Variants in PILRA observed in about 807,000 individuals in gnomAD.
The protein encoded by PILRA is paired immunoglobin like type 2 receptor alpha, also known as paired immunoglobulin-like type 2 receptor alpha.
A neutral mutation model predicts 33.1 loss-of-function variants in PILRA; 37 were observed. The observed-to-expected ratio is 1.12, with a 90% CI of 0.86 to 1.47. The LOEUF (loss-of-function observed/expected upper bound fraction) is 1.47. PILRA is among the 40% of genes most tolerant of loss of function. The pLI is 0.00. For synonymous variants in PILRA, 146 were observed against 149.9 expected, an observed-to-expected ratio of 0.97 and a Z score of 0.19; for missense variants, 312 against 376.2, an observed-to-expected ratio of 0.83 and a Z score of 1.41.
At chr7:100,382,719 C>G (rs1301841123) in intron 2 of PILRA, among the ~76,000 whole-genome samples, 1 of 151,168 alleles carries the variant, frequency 6.6e-6, no homozygotes, top group African/African-American at 2.4e-5. Context: ...CTTTTTTTTG[C>G]TTTTGCTTTT....
At chr7:100,380,064 C>G (rs1345202283) in intron 2 of PILRA, among the ~76,000 whole-genome samples, 2 of 152,256 alleles carry the variant, frequency 1.3e-5, no homozygotes, top group South Asian at 2.1e-4. Flanking sequence ...ACCTCCATTC[C>G]CCATTCCCCT....
chr7:100,387,840 T>C (rs1791286842), intron 2 of PILRA, among the ~76,000 whole-genome samples: 1 of 152,234 alleles, frequency 6.6e-6, no homozygotes, highest in African/African-American at 2.4e-5. Flanking sequence ...GTTGCTCCTT[T>C]AAATAACCAG....
chr7:100,397,021 C>G (rs1239407429), intron 3 of PILRA, among the ~76,000 whole-genome samples: 4 of 143,738 alleles, frequency 2.8e-5, no homozygotes, highest in South Asian at 2.2e-4. Flanking sequence ...TAAAACATAA[C>G]CTAAAGAGAG....
chr7:100,380,461 A>C (rs1395167771), intron 2 of PILRA, among the ~76,000 whole-genome samples: 1 of 152,202 alleles, frequency 6.6e-6, no homozygotes, highest in Non-Finnish European at 1.5e-5. Context: ...AACCACAAAG[A>C]AAGCTCTGGG....
intron 2 of PILRA, among the ~76,000 whole-genome samples, chr7:100,378,037 G>T (rs770092550): frequency 2.0e-5 from 3 of 152,086 alleles, no homozygotes; most frequent in African/African-American, 7.2e-5. Context: ...CATCTCAAAC[G>T]TATTACTCCT....
At chr7:100,377,068 A>T (rs1283613065) in intron 2 of PILRA, among the ~76,000 whole-genome samples, 1 of 151,674 alleles carries the variant, frequency 6.6e-6, no homozygotes, top group Non-Finnish European at 1.5e-5. Context: ...TGGCAAAAAA[A>T]TTTTTTAATC....
In PILRA at chr7:100,399,627, C is replaced by T; in HGVS notation, c.789+15C>T. ...TAAATCCCAAGGTAAGCAATCAGAC[C>T]AGGGCCTGAAGGAATTAAAGAGAAG... On this transcript the variant is annotated intron_variant, in intron 6 of 6. Transcript: ENST00000198536. The T allele has an allele frequency of 2.5e-6, 4 of 1,613,936 alleles. No individual in the cohort carries two copies. Among genetic ancestry groups the T allele is most frequent in the Non-Finnish European group, 2.5e-6 (3 of 1,179,906 alleles).
Position 100,399,297 on chromosome 7 carries a change from C to G in PILRA, c.714C>G (p.Pro238=), listed in dbSNP as rs771838671. 1 of 1,611,938 alleles carries G rather than the reference C, an allele frequency of 6.2e-7. No individual in the cohort carries two copies. Among genetic ancestry groups the G allele is most frequent in the Non-Finnish European group, 8.5e-7 (1 of 1,178,324 alleles). The part of the protein sequence containing the change: ...RTKATTPARE[P]FQNTEEPYEN... ...TCCTCTTGTTCCCATACAGGGAACC[C>G]TTCCAAAACACAGAGGAGCCATATG... The change falls in exon 5 of 7, where the codon CCC becomes CCG. Residue 238 remains proline (P), a synonymous_variant. Coordinates refer to ENST00000198536, the MANE Select transcript of PILRA (RefSeq NM_013439.3).
chr7:100,380,374 C>T (rs1251316500), intron 2 of PILRA, among the ~76,000 whole-genome samples: 2 of 152,198 alleles, frequency 1.3e-5, no homozygotes, highest in Non-Finnish European at 2.9e-5. Flanking sequence ...CTTTAAAATA[C>T]TCAGCATTTC....
At chr7:100,389,851 C>T (rs1563120714) in intron 2 of PILRA, 37 bp from the exon 3 acceptor site, 3 of 1,573,972 alleles carry the variant, frequency 1.9e-6, no homozygotes, top group South Asian at 2.2e-5. Context: ...CCCTGTGCCC[C>T]CAGGGGAGGG....
intron 2 of PILRA, among the ~76,000 whole-genome samples, chr7:100,384,769 C>T (rs902454470): frequency 1.3e-5 from 2 of 152,056 alleles, no homozygotes; most frequent in South Asian, 2.1e-4. Context: ...GCTTGGGCGA[C>T]AGAGGAAGAC....
intron 2 of PILRA, among the ~76,000 whole-genome samples, chr7:100,379,684 A>G (rs1248516705): frequency 1.3e-5 from 2 of 151,872 alleles, no homozygotes; most frequent in East Asian, 3.9e-4. Context: ...AAAAAAAAAA[A>G]AAAAAAATTA....
chr7:100,378,294 A>G (rs561601847), intron 2 of PILRA, among the ~76,000 whole-genome samples: 74 of 151,954 alleles, frequency 4.9e-4, no homozygotes, highest in Non-Finnish European at 8.8e-4. Flanking sequence ...TGGGGCTGCA[A>G]TGAGCTGTGA....
At chr7:100,394,433 C>G (rs1177858743) in intron 3 of PILRA, among the ~76,000 whole-genome samples, 1 of 151,534 alleles carries the variant, frequency 6.6e-6, no homozygotes, top group East Asian at 1.9e-4. Flanking sequence ...TTGATGTAAA[C>G]ATCAACAAAA....
intron 3 of PILRA, 131 bp downstream of exon 3, chr7:100,390,237 GT>G: frequency 1.3e-6 from 1 of 758,460 alleles, no homozygotes; most frequent in East Asian, 2.7e-5. Flanking sequence ...GGCCGACTTC[GT>G]GGCCTATGCT....
In PILRA at chr7:100,373,642, G is replaced by A. The variant is rs182378281; in HGVS notation, c.-15G>A. ...GCTCTGCTGGTCTCCCCGTCCCCTGGAGAAGAACAAGGCCATGGGTCGGCC... is the reference window on the plus strand; with the variant it reads ...GCTCTGCTGGTCTCCCCGTCCCCTGAAGAAGAACAAGGCCATGGGTCGGCC... On this transcript the variant is annotated 5_prime_UTR_variant, in exon 1 of 7. Coordinates refer to ENST00000198536, the MANE Select transcript of PILRA (RefSeq NM_013439.3). The A allele has an allele frequency of 3.4e-4, 544 of 1,613,486 alleles. 5 individuals are homozygous for A. The African/African-American group carries it at 6.5e-3, about 19-fold the overall frequency.
intron 1 of PILRA, 109 bp downstream of exon 1, chr7:100,373,829 A>G: frequency 6.8e-7 from 1 of 1,464,752 alleles, no homozygotes; most frequent in Non-Finnish European, 9.4e-7. Context: ...CACCACCAGG[A>G]AACAAGGGCG....
intron 3 of PILRA, among the ~76,000 whole-genome samples, chr7:100,395,922 C>T (rs1238386372): frequency 2.6e-5 from 4 of 152,040 alleles, no homozygotes; most frequent in African/African-American, 4.8e-5. Context: ...GCCAGGAGTT[C>T]GAGACCAGCT....
intron 2 of PILRA, among the ~76,000 whole-genome samples, chr7:100,382,756 C>T (rs543264698): frequency 5.3e-5 from 8 of 152,236 alleles, no homozygotes; most frequent in East Asian, 1.9e-4. Context: ...GCTGCTTGCT[C>T]TTTGGGTCCA....
Sources: allele counts gnomAD v4.1 joint callset (sites outside exome capture counted in the v4.1 genomes callset), GRCh38; gene constraint gnomAD v4.1.1; transcripts MANE v1.5; gene names NCBI Gene and HGNC (gene_info 2026-07-23, HGNC 2026-07-21).